The following FMN1 variants were observed in gnomAD, a reference collection of about 807,000 sequenced individuals.
The protein encoded by FMN1 is formin 1.
In FMN1, 110 loss-of-function variants were observed where a neutral mutation model predicts 132.4. That is an observed-to-expected ratio of 0.83 (90% CI 0.71 to 0.97). FMN1 has a LOEUF of 0.97. Among genes scored for constraint, FMN1 ranks in the 50% least tolerant of loss-of-function variants. FMN1 has a pLI of 0.00. For missense variants in FMN1, 1,792 were observed against 1,705.3 expected (o/e 1.05, Z -0.90); for synonymous variants, 722 against 651.7 (o/e 1.11, Z -1.64).
At chr15:32,778,408 A>G (rs1467159593) in intron 19 of FMN1, among the ~76,000 whole-genome samples, 1 of 151,592 alleles carries the variant, frequency 6.6e-6, no homozygotes, top group Admixed American at 6.6e-5. Flanking sequence ...TATACCTGAT[A>G]GAAACTTGTG....
chr15:33,124,528 G>A (rs1263180740), intron 4 of FMN1, among the ~76,000 whole-genome samples: 1 of 115,562 alleles, frequency 8.7e-6, no homozygotes, highest in East Asian at 2.8e-4. Flanking sequence ...CTCTCCCAAA[G>A]TGATCCTAAT....
intron 4 of FMN1, among the ~76,000 whole-genome samples, chr15:33,131,515 T>C (rs1963547146): frequency 6.6e-6 from 1 of 152,214 alleles, no homozygotes; most frequent in Admixed American, 6.5e-5. Flanking sequence ...TGTGTCAGTG[T>C]GGCCCAGACC....
intron 19 of FMN1, among the ~76,000 whole-genome samples, chr15:32,785,583 T>A (rs2056850718): frequency 6.6e-6 from 1 of 152,162 alleles, no homozygotes; most frequent in Non-Finnish European, 1.5e-5. Context: ...TTGGTTCATT[T>A]CAGTCAGTAC....
chr15:33,046,195 G>A (rs145139002), intron 6 of FMN1, among the ~76,000 whole-genome samples: 160 of 152,118 alleles, frequency 1.1e-3, no homozygotes, highest in African/African-American at 3.7e-3. Flanking sequence ...AAAGAAAATT[G>A]GGATCCTTAA....
At chr15:32,965,646 G>A (rs927653352) in intron 8 of FMN1, among the ~76,000 whole-genome samples, 8 of 152,140 alleles carry the variant, frequency 5.3e-5, no homozygotes, top group African/African-American at 1.9e-4. Flanking sequence ...CCTCAGGTCT[G>A]CGTGTTCACA....
chr15:33,120,106 C>G (rs1012943694), intron 4 of FMN1, among the ~76,000 whole-genome samples: 1 of 152,144 alleles, frequency 6.6e-6, no homozygotes, highest in Non-Finnish European at 1.5e-5. Flanking sequence ...CAGTTTGATT[C>G]AGGACTCTGA....
At chr15:33,034,342 T>A (rs748873253) in intron 6 of FMN1, among the ~76,000 whole-genome samples, 1 of 151,980 alleles carries the variant, frequency 6.6e-6, no homozygotes, top group Non-Finnish European at 1.5e-5. Context: ...AGGCCAAGGG[T>A]TCCAGGAAGA....
intron 7 of FMN1, among the ~76,000 whole-genome samples, chr15:32,994,435 A>C (rs2033646084): frequency 6.6e-6 from 1 of 151,820 alleles, no homozygotes; most frequent in Non-Finnish European, 1.5e-5. Context: ...GCTTCTCTTC[A>C]CTCTTCAAAC....
At chr15:32,823,736 C>G (rs1331335565) in intron 17 of FMN1, among the ~76,000 whole-genome samples, 3 of 152,142 alleles carry the variant, frequency 2.0e-5, no homozygotes, top group Non-Finnish European at 4.4e-5. Context: ...TTTTAAAATA[C>G]CAATTTTAAA....
At chr15:33,082,888 A>C (rs745934732) in intron 5 of FMN1, among the ~76,000 whole-genome samples, 40 of 152,128 alleles carry the variant, frequency 2.6e-4, no homozygotes, top group Non-Finnish European at 4.7e-4. Context: ...ATTAAAAAAA[A>C]CCAAAAAATT....
At chr15:33,017,987 C>T (rs1462093591) in intron 6 of FMN1, among the ~76,000 whole-genome samples, 1 of 151,572 alleles carries the variant, frequency 6.6e-6, no homozygotes, top group Non-Finnish European at 1.5e-5. Flanking sequence ...ATCACTTGAA[C>T]CCAGGAGGTG....
chr15:32,891,816 C>G (rs2060037573), intron 15 of FMN1, among the ~76,000 whole-genome samples: 1 of 152,000 alleles, frequency 6.6e-6, no homozygotes, highest in Admixed American at 6.6e-5. Context: ...ATATTTGCAG[C>G]TATTGTAAAA....
At chr15:33,093,357 T>C (rs2038969229) in intron 4 of FMN1, among the ~76,000 whole-genome samples, 2 of 152,164 alleles carry the variant, frequency 1.3e-5, no homozygotes, top group Non-Finnish European at 1.5e-5. Flanking sequence ...ATTATGTTAT[T>C]CAAACGTGTA....
At chr15:32,981,272 A>G (rs1211694428) in intron 7 of FMN1, among the ~76,000 whole-genome samples, 1 of 152,086 alleles carries the variant, frequency 6.6e-6, no homozygotes, top group Admixed American at 6.5e-5. Flanking sequence ...CGGGTGGATC[A>G]TGAGGTCAGG....
intron 4 of FMN1, 145 bp from the exon 5 acceptor site, chr15:33,089,119 C>T: frequency 1.4e-6 from 1 of 697,390 alleles, no homozygotes; most frequent in Middle Eastern, 4.1e-4. Context: ...GACTGCTTTC[C>T]TTTAAAAGTA....
chr15:33,008,041 C>G lies in FMN1; in HGVS notation c.2196G>C (p.Glu732Asp). Residue 732 changes from glutamate to aspartate, a missense_variant, in exon 7 of 21, where the codon GAG becomes GAC. By Grantham distance (45) the Glu-to-Asp change is conservative. This residue lies in a region of FMN1 where 1,150 missense variants were observed against 1,043.1 expected (regional missense o/e 1.10). Transcript: ENST00000616417. ...GCAGGTTTTCAATTTCTTCTTTGTG[C>G]TCCCTCTTCAAGTGTAAAATAGCAG... The part of the protein sequence containing the change: ...YQAAILHLKR[E>D]HKEEIENLQA... 2 of 1,601,226 alleles carry G rather than the reference C, an allele frequency of 1.2e-6. No individual in the cohort carries two copies. Among genetic ancestry groups the G allele is most frequent in the Non-Finnish European group, 1.7e-6 (2 of 1,173,190 alleles).
chr15:33,131,219 C>T (rs796872876), intron 4 of FMN1, among the ~76,000 whole-genome samples: 2 of 151,040 alleles, frequency 1.3e-5, no homozygotes, highest in African/African-American at 4.9e-5. Flanking sequence ...ATCCCAGCTA[C>T]TCGGGAGGCT....
At position 32,964,014 on chromosome 15, in the gene FMN1, G is replaced by GATAT. The variant is rs777105308; in HGVS notation, c.3138+92_3138+93insATAT. ...TAGGTATGTGTGTGTGTGTATATAC[G>GATAT]ATACACACACACACACACACACACA... On this transcript the variant is annotated intron_variant, in intron 9 of 20. Transcript: ENST00000616417. 2,049 of 342,390 alleles carry GATAT rather than the reference G, an allele frequency of 6.0e-3. 23 individuals carry two copies. The highest frequency in any genetic ancestry group is 0.04 in the African/African-American group (1,526 of 38,160). 21.2% of individuals were successfully genotyped at this position (342,390 alleles called of 1,614,324 possible).
At chr15:33,077,112 A>G (rs568816258) in intron 5 of FMN1, among the ~76,000 whole-genome samples, 1 of 152,268 alleles carries the variant, frequency 6.6e-6, no homozygotes, top group South Asian at 2.1e-4. Context: ...TCACCACAAC[A>G]TCTGCCTCCC....
Sources: gnomAD v4.1 joint callset for allele counts (sites outside exome capture counted in the v4.1 genomes callset) on GRCh38, gnomAD v4.1.1 for gene constraint, gnomAD v4.1.1 regional missense constraint, MANE v1.5 for transcripts, NCBI Gene and HGNC (gene_info 2026-07-23, HGNC 2026-07-21) for gene names.